CNBD1: variants seen among roughly 807,000 people sequenced by gnomAD.
The protein encoded by CNBD1 is cyclic nucleotide-binding domain-containing protein 1.
CNBD1 carries 71 observed loss-of-function variants against 54.4 expected under a neutral mutation model. The observed-to-expected ratio is 1.30, with a 90% CI of 1.08 to 1.59. CNBD1 has a LOEUF of 1.59. Ranked by LOEUF, CNBD1 falls within the 40% of genes most tolerant of loss-of-function variation. The pLI is 0.00. For missense variants in CNBD1, 659 were observed against 518.0 expected, an observed-to-expected ratio of 1.27 and a Z score of -2.64; for synonymous variants, 182 against 170.7, an observed-to-expected ratio of 1.07 and a Z score of -0.51.
At chr8:87,181,376 T>C (rs1813307874) in intron 4 of CNBD1, among the ~76,000 whole-genome samples, 1 of 152,208 alleles carries the variant, frequency 6.6e-6, no homozygotes. Context: ...AGATTCCTTG[T>C]GCATCTCTAC....
intron 4 of CNBD1, among the ~76,000 whole-genome samples, chr8:87,017,885 G>A (rs1401222614): frequency 6.6e-6 from 1 of 152,138 alleles, no homozygotes. Context: ...AAAGGCACTC[G>A]TTATTTTATA....
At chr8:86,933,462 C>A (rs1809491496) in intron 3 of CNBD1, among the ~76,000 whole-genome samples, 1 of 152,062 alleles carries the variant, frequency 6.6e-6, no homozygotes, top group South Asian at 2.1e-4. Context: ...TTGAATACAA[C>A]AAGAAAAGCA....
intron 10 of CNBD1, among the ~76,000 whole-genome samples, chr8:87,368,378 G>T (rs1342070729): frequency 6.6e-6 from 1 of 152,042 alleles, no homozygotes; most frequent in Non-Finnish European, 1.5e-5. Context: ...GCTCATACCT[G>T]TAATTCCAGC....
At chr8:87,300,650 C>T (rs1239952128) in intron 8 of CNBD1, among the ~76,000 whole-genome samples, 2 of 151,670 alleles carry the variant, frequency 1.3e-5, no homozygotes, top group Non-Finnish European at 2.9e-5. Flanking sequence ...GCTTGTAGTC[C>T]CAGCTACTCA....
At chr8:87,363,513 A>T (rs1043530215) in intron 10 of CNBD1, among the ~76,000 whole-genome samples, 2 of 151,862 alleles carry the variant, frequency 1.3e-5, no homozygotes, top group East Asian at 1.9e-4. Context: ...GCATCTGTTC[A>T]TGTAAGTTTC....
chr8:87,118,446 A>G (rs56239316), intron 4 of CNBD1, among the ~76,000 whole-genome samples: 71,295 of 151,800 alleles, frequency 0.47, 17,079 homozygotes, highest in African/African-American at 0.56. Flanking sequence ...AGAAAATATT[A>G]TTTGAGAAAA....
At chr8:87,180,826 T>C (rs546313387) in intron 4 of CNBD1, among the ~76,000 whole-genome samples, 1 of 152,310 alleles carries the variant, frequency 6.6e-6, no homozygotes, top group South Asian at 2.1e-4. Context: ...AGTTAGGATA[T>C]AATTTTGCAG....
intron 4 of CNBD1, among the ~76,000 whole-genome samples, chr8:87,144,031 A>G (rs1193990148): frequency 6.6e-6 from 1 of 152,208 alleles, no homozygotes; most frequent in African/African-American, 2.4e-5. Context: ...AAGGTGCCTA[A>G]AATAAAATGA....
chr8:86,886,885 C>G (rs1000170053), intron 1 of CNBD1, among the ~76,000 whole-genome samples: 2 of 152,144 alleles, frequency 1.3e-5, no homozygotes, highest in African/African-American at 4.8e-5. Flanking sequence ...ATGCAATGCT[C>G]TATCTTCCTT....
intron 4 of CNBD1, among the ~76,000 whole-genome samples, chr8:86,956,239 T>G (rs1235373330): frequency 6.6e-6 from 1 of 152,178 alleles, no homozygotes; most frequent in African/African-American, 2.4e-5. Flanking sequence ...TGTAGCCTTG[T>G]AGTATAGTTT....
intron 8 of CNBD1, among the ~76,000 whole-genome samples, chr8:87,338,087 G>GT (rs1453351369): frequency 1.3e-5 from 2 of 152,136 alleles, no homozygotes; most frequent in Non-Finnish European, 2.9e-5. Flanking sequence ...TTGCCTTAAA[G>GT]TTTGCAATAT....
At chr8:87,119,063 A>G (rs950573338) in intron 4 of CNBD1, among the ~76,000 whole-genome samples, 1 of 152,126 alleles carries the variant, frequency 6.6e-6, no homozygotes, top group African/African-American at 2.4e-5. Flanking sequence ...TGTCAAATGT[A>G]TATGTGAGAA....
intron 4 of CNBD1, among the ~76,000 whole-genome samples, chr8:87,160,463 G>A (rs114270128): frequency 1.8e-3 from 279 of 152,120 alleles, no homozygotes; most frequent in African/African-American, 5.8e-3. Context: ...CTATGACTTC[G>A]TTTGTTTCAG....
chr8:86,895,449 T>C (rs1419412823), intron 2 of CNBD1, among the ~76,000 whole-genome samples: 2 of 152,218 alleles, frequency 1.3e-5, no homozygotes, highest in Admixed American at 6.5e-5. Flanking sequence ...TGTGTGAACA[T>C]GGGTTTTTGG....
chr8:87,187,246 T>C (rs765956359), intron 4 of CNBD1, among the ~76,000 whole-genome samples: 2 of 151,966 alleles, frequency 1.3e-5, no homozygotes, highest in Non-Finnish European at 2.9e-5. Flanking sequence ...TATAAATATT[T>C]AAATTATGTA....
At chr8:87,057,687 A>G (rs1352903233) in intron 4 of CNBD1, among the ~76,000 whole-genome samples, 2 of 152,110 alleles carry the variant, frequency 1.3e-5, no homozygotes, top group Admixed American at 6.6e-5. Flanking sequence ...TGTCCCTACT[A>G]ATAATACAAA....
chr8:87,199,808 C>T (rs1199424901), intron 4 of CNBD1, among the ~76,000 whole-genome samples: 1 of 152,120 alleles, frequency 6.6e-6, no homozygotes, highest in Non-Finnish European at 1.5e-5. Flanking sequence ...GTGTACCTTC[C>T]ATTTTAACTT....
intron 4 of CNBD1, among the ~76,000 whole-genome samples, chr8:87,133,135 CT>C (rs573061786): frequency 1.5e-4 from 22 of 151,606 alleles, no homozygotes; most frequent in African/African-American, 3.9e-4. Context: ...GCTAAGATTC[CT>C]TTTTTTTCAT....
intron 1 of CNBD1, among the ~76,000 whole-genome samples, chr8:86,886,103 C>T (rs950302352): frequency 1.3e-5 from 2 of 152,052 alleles, no homozygotes; most frequent in African/African-American, 4.8e-5. Flanking sequence ...GCACCATCTC[C>T]CTTTCCTGTC....
Sources: allele counts gnomAD v4.1 joint callset (sites outside exome capture counted in the v4.1 genomes callset), GRCh38; gene constraint gnomAD v4.1.1; transcripts MANE v1.5; gene names NCBI Gene and HGNC (gene_info 2026-07-23, HGNC 2026-07-21).